HYAL4: variants seen among roughly 807,000 people sequenced by gnomAD.
The protein encoded by HYAL4 is hyaluronidase 4, also known as hyaluronidase-4.
A neutral mutation model predicts 35.2 loss-of-function variants in HYAL4; 37 were observed. The observed-to-expected ratio is 1.05, with a 90% CI of 0.81 to 1.38. The LOEUF (loss-of-function observed/expected upper bound fraction) is 1.38, where lower values mean the gene tolerates loss of function less well. HYAL4 is among the 40% of genes most tolerant of loss of function. The pLI is 0.00. For synonymous variants in HYAL4, 198 were observed against 203.2 expected (o/e 0.97, Z 0.22); for missense variants, 572 against 572.4 (o/e 1.00, Z 0.01).
chr7:123,768,186 T>G, the HYAL4 span, among the ~76,000 whole-genome samples: 1 of 152,162 alleles, frequency 6.6e-6, no homozygotes, highest in African/African-American at 2.4e-5. Flanking sequence ...TCCAGAATCA[T>G]AGGTGCTATA....
chr7:123,865,328 A>G (rs1806661515), intron 2 of HYAL4, among the ~76,000 whole-genome samples: 1 of 152,200 alleles, frequency 6.6e-6, no homozygotes, highest in African/African-American at 2.4e-5. Context: ...TAATGAATGC[A>G]TATGTAAATC....
At chr7:123,817,557 C>T in the HYAL4 span, among the ~76,000 whole-genome samples, 1 of 140,614 alleles carries the variant, frequency 7.1e-6, no homozygotes, top group East Asian at 2.1e-4. Flanking sequence ...GTCACCCAGG[C>T]TGGAGTGCAG....
At chr7:123,839,168 G>C (rs909700868) in intron 1 of HYAL4, among the ~76,000 whole-genome samples, 2 of 151,966 alleles carry the variant, frequency 1.3e-5, no homozygotes, top group African/African-American at 4.8e-5. Context: ...CACGGTGTGT[G>C]ATGCTCCCCA....
the HYAL4 span, among the ~76,000 whole-genome samples, chr7:123,771,002 A>G: frequency 6.6e-6 from 1 of 152,140 alleles, no homozygotes; most frequent in East Asian, 1.9e-4. Context: ...ACAGAAGAGA[A>G]AAAATAATGG....
chr7:123,792,597 G>A, the HYAL4 span, among the ~76,000 whole-genome samples: 17 of 152,116 alleles, frequency 1.1e-4, no homozygotes, highest in Non-Finnish European at 1.9e-4. Flanking sequence ...AGCCCCTCCT[G>A]TTAATTTATT....
chr7:123,811,649 C>T, the HYAL4 span, among the ~76,000 whole-genome samples: 12 of 152,074 alleles, frequency 7.9e-5, no homozygotes, highest in Non-Finnish European at 1.2e-4. Flanking sequence ...ATTTTCTTAA[C>T]AGTGTCTTTC....
upstream of HYAL4, among the ~76,000 whole-genome samples, chr7:123,843,414 C>T (rs972328177): frequency 1.3e-5 from 2 of 152,036 alleles, no homozygotes; most frequent in Non-Finnish European, 2.9e-5. Flanking sequence ...CGACCTTTCT[C>T]TCTGGCTGCT....
At chr7:123,874,596 G>A (rs910524165) in intron 3 of HYAL4, among the ~76,000 whole-genome samples, 165 bp from the exon 4 acceptor site, 1 of 152,096 alleles carries the variant, frequency 6.6e-6, no homozygotes, top group Admixed American at 6.5e-5. Flanking sequence ...CAGTAGAGAC[G>A]GGGTTTCACT....
At chr7:123,870,759 CAAA>C (rs377084649) in intron 3 of HYAL4, among the ~76,000 whole-genome samples, 4 of 85,944 alleles carry the variant, frequency 4.7e-5, no homozygotes, top group Non-Finnish European at 4.8e-5. Flanking sequence ...AACTCCATCT[CAAA>C]AAAAAAAAAA....
chr7:123,811,037 C>T, the HYAL4 span, among the ~76,000 whole-genome samples: 1 of 152,096 alleles, frequency 6.6e-6, no homozygotes, highest in African/African-American at 2.4e-5. Context: ...CTTCTTAGCA[C>T]TGAATAATAT....
chr7:123,826,414 G>A (rs1805803440), upstream of HYAL4, among the ~76,000 whole-genome samples: 1 of 152,146 alleles, frequency 6.6e-6, no homozygotes, highest in Non-Finnish European at 1.5e-5. Context: ...AGCTGAATGG[G>A]AGTCCAGGTG....
intron 1 of HYAL4, among the ~76,000 whole-genome samples, chr7:123,847,532 C>G (rs1313534068): frequency 6.6e-6 from 1 of 152,156 alleles, no homozygotes; most frequent in African/African-American, 2.4e-5. Context: ...AATCCCAGCA[C>G]TTTGGGAGGC....
the HYAL4 span, among the ~76,000 whole-genome samples, chr7:123,815,474 C>G: frequency 3.3e-5 from 5 of 152,196 alleles, no homozygotes; most frequent in Admixed American, 3.3e-4. Flanking sequence ...TTTTAATTAG[C>G]TAGGCTAACT....
chr7:123,866,311 T>C (rs1806686092), intron 2 of HYAL4, among the ~76,000 whole-genome samples: 1 of 152,234 alleles, frequency 6.6e-6, no homozygotes, highest in African/African-American at 2.4e-5. Context: ...CACTGGAATT[T>C]ACGTCACCAC....
At chr7:123,874,253 C>T (rs1307353913) in intron 3 of HYAL4, among the ~76,000 whole-genome samples, 1 of 152,048 alleles carries the variant, frequency 6.6e-6, no homozygotes, top group African/African-American at 2.4e-5. Flanking sequence ...TATGTTTTTG[C>T]ATATGATTAC....
the HYAL4 span, among the ~76,000 whole-genome samples, chr7:123,767,772 A>G: frequency 1.3e-5 from 2 of 152,124 alleles, no homozygotes; most frequent in Non-Finnish European, 2.9e-5. Context: ...ACATATATTA[A>G]TAGTAGAGTG....
chr7:123,857,677 C>CTTTCTTTGTTTGTTTG lies in HYAL4; in HGVS notation c.-52+9526_-52+9527insGTTTGTTTGTTTCTTT, dbSNP rs1562999490. On this transcript the variant is annotated intron_variant, in intron 2 of 4. Coordinates refer to ENST00000223026, the MANE Select transcript of HYAL4 (RefSeq NM_012269.3). ...TGTTTCTTTCTTTGTTTGTTTCTTT[C>CTTTCTTTGTTTGTTTG]TTTCTTTCTTTCTTTCTTTCTTTCT... is the stretch of plus-strand genomic sequence containing the variant. Among the ~76,000 whole-genome samples the CTTTCTTTGTTTGTTTG allele has an allele frequency of 6.6e-3, 521 of 78,896 alleles. 4 individuals are homozygous for CTTTCTTTGTTTGTTTG. Among genetic ancestry groups the CTTTCTTTGTTTGTTTG allele is most frequent in the Non-Finnish European group, 9.7e-3 (347 of 35,732 alleles). 51.8% of individuals were successfully genotyped at this position (78,896 alleles called of 152,430 possible). A position where few individuals can be genotyped will look rare whatever the true frequency, so the allele number is the denominator to read the frequency against.
intron 1 of HYAL4, among the ~76,000 whole-genome samples, chr7:123,831,207 G>C (rs1013348485): frequency 2.0e-5 from 3 of 152,086 alleles, no homozygotes; most frequent in Non-Finnish European, 4.4e-5. Flanking sequence ...GAGTTCCCTT[G>C]TCTATGGGTT....
the HYAL4 span, among the ~76,000 whole-genome samples, chr7:123,806,070 T>C: frequency 6.6e-6 from 1 of 152,134 alleles, no homozygotes; most frequent in Admixed American, 6.5e-5. Context: ...AAAACAATTT[T>C]GCAAAAGAAA....
Sources: allele counts gnomAD v4.1 joint callset (sites outside exome capture counted in the v4.1 genomes callset), GRCh38; gene constraint gnomAD v4.1.1; transcripts MANE v1.5; gene names NCBI Gene and HGNC (gene_info 2026-07-23, HGNC 2026-07-21).